KSR1: variants seen among roughly 807,000 people sequenced by gnomAD.
KSR1 encodes kinase suppressor of ras.
Under a neutral mutation model 92.9 loss-of-function variants are expected in KSR1, and 35 were observed. That is an observed-to-expected ratio of 0.38 (90% confidence interval 0.29 to 0.50). KSR1 has a LOEUF of 0.50. KSR1 is among the 20% of genes least tolerant of loss of function. KSR1 has a pLI of 0.94. For missense variants in KSR1, 972 were observed against 1,158.5 expected (o/e 0.84, Z 2.34); for synonymous variants, 467 against 472.6 (o/e 0.99, Z 0.15).
chr17:27,558,149 C>T (rs889459335), intron 2 of KSR1: 4 of 152,570 alleles, frequency 2.6e-5, no homozygotes, highest in Admixed American at 6.5e-5. Flanking sequence ...AGCAAAGGCC[C>T]TCCTCTTCCA....
intron 1 of KSR1, among the ~76,000 whole-genome samples, chr17:27,506,369 G>A (rs138924831): frequency 9.6e-4 from 146 of 152,348 alleles, no homozygotes; most frequent in African/African-American, 3.3e-3. Context: ...ATTACAAGAG[G>A]TAGTTTAGGT....
At chr17:27,502,708 C>T (rs775301657) in intron 1 of KSR1, among the ~76,000 whole-genome samples, 19 of 152,236 alleles carry the variant, frequency 1.2e-4, no homozygotes, top group African/African-American at 2.7e-4. Context: ...CTACCTCAAC[C>T]GTAATCACGG....
intron 2 of KSR1, among the ~76,000 whole-genome samples, chr17:27,555,586 C>T (rs2071564327): frequency 6.6e-6 from 1 of 152,016 alleles, no homozygotes; most frequent in Admixed American, 6.6e-5. Context: ...CTACAGTATG[C>T]TTCAGCCCCC....
chr17:27,479,285 GC>G (rs1223182508), intron 1 of KSR1, among the ~76,000 whole-genome samples: 1 of 148,768 alleles, frequency 6.7e-6, no homozygotes, highest in Non-Finnish European at 1.5e-5. Context: ...TCTGTGCTCT[GC>G]CCCTCCTCCC....
intron 2 of KSR1, chr17:27,560,282 T>C (rs554152563): frequency 3.8e-5 from 15 of 396,772 alleles, no homozygotes; most frequent in African/African-American, 2.1e-4. Context: ...TTTTTTTTTC[T>C]TTAGCAATTT....
At chr17:27,457,969 G>A (rs952282268) in intron 1 of KSR1, among the ~76,000 whole-genome samples, 1 of 138,554 alleles carries the variant, frequency 7.2e-6, no homozygotes, top group African/African-American at 2.8e-5. Context: ...CTGTGATCGC[G>A]GTAATTATTA....
chr17:27,515,802 A>C (rs1030591089), intron 1 of KSR1, among the ~76,000 whole-genome samples: 10 of 151,648 alleles, frequency 6.6e-5, no homozygotes, highest in African/African-American at 2.2e-4. Context: ...TCTGGGGGAA[A>C]CCATAGACTC....
intron 1 of KSR1, among the ~76,000 whole-genome samples, chr17:27,509,002 A>C (rs2069498781): frequency 6.6e-6 from 1 of 151,998 alleles, no homozygotes; most frequent in Admixed American, 6.5e-5. Context: ...AAGTGCTGGG[A>C]TTACAGGCAT....
intron 1 of KSR1, among the ~76,000 whole-genome samples, chr17:27,490,162 C>G (rs1014095196): frequency 1.3e-5 from 2 of 152,132 alleles, no homozygotes; most frequent in Admixed American, 6.5e-5. Flanking sequence ...TCTAAGTCTC[C>G]GTTTCTGCAT....
At chr17:27,562,661 C>T (rs2071881478) in intron 2 of KSR1, among the ~76,000 whole-genome samples, 1 of 152,196 alleles carries the variant, frequency 6.6e-6, no homozygotes, top group South Asian at 2.1e-4. Context: ...TGACTATGGC[C>T]AGATATCATT....
At chr17:27,541,083 G>A (rs1486468372) in intron 1 of KSR1, among the ~76,000 whole-genome samples, 1 of 152,240 alleles carries the variant, frequency 6.6e-6, no homozygotes, top group Non-Finnish European at 1.5e-5. Flanking sequence ...CCAGGGCTTT[G>A]GTGGCATCCT....
chr17:27,490,787 T>C lies in KSR1; in HGVS notation c.231+33913T>C, dbSNP rs200369257. Reference sequence around the variant, plus strand: ...GTTCCTTAGGATTCAGCAATCTCACTTGTGGGACTCTGACACCTATAGAAA... The same window carrying C: ...GTTCCTTAGGATTCAGCAATCTCACCTGTGGGACTCTGACACCTATAGAAA... On this transcript the variant is annotated intron_variant, in intron 1 of 20. Transcript: ENST00000644974. 8.5e-5 allele frequency among the ~76,000 whole-genome samples: 13 copies of C among 152,198 alleles called. No individual in the cohort carries two copies. In the East Asian group the frequency reaches 9.6e-4, roughly 11 times the overall value.
chr17:27,593,590 T>A (rs1241468564), intron 9 of KSR1, among the ~76,000 whole-genome samples: 1 of 152,162 alleles, frequency 6.6e-6, no homozygotes, highest in Admixed American at 6.5e-5. Flanking sequence ...CAGGGCCACC[T>A]CTTACTGTCA....
intron 2 of KSR1, among the ~76,000 whole-genome samples, chr17:27,568,001 GC>G (rs1466002865): frequency 1.3e-5 from 2 of 152,332 alleles, no homozygotes; most frequent in South Asian, 2.1e-4. Context: ...GAGCCTGGTA[GC>G]TGTGGCATTG....
intron 1 of KSR1, among the ~76,000 whole-genome samples, chr17:27,530,394 G>A (rs1049784788): frequency 2.0e-5 from 3 of 151,878 alleles, no homozygotes; most frequent in East Asian, 1.9e-4. Flanking sequence ...ACACTGAGCC[G>A]TGATTACACC....
chr17:27,469,993 A>AGTGTGTGT (rs145390989), intron 1 of KSR1, among the ~76,000 whole-genome samples: 77 of 139,648 alleles, frequency 5.5e-4, no homozygotes, highest in African/African-American at 1.6e-3. Context: ...ATGGAGATGG[A>AGTGTGTGT]GTGTGTGTGT....
In KSR1 at chr17:27,509,740, T is replaced by A. The variant is rs373628767; in HGVS notation, c.232-40828T>A. Among the ~76,000 whole-genome samples the A allele has an allele frequency of 4.3e-4, 66 of 152,320 alleles. 1 individual carries two copies. In the South Asian group the frequency reaches 0.013, roughly 30 times the overall value. On this transcript the variant is annotated intron_variant, in intron 1 of 20. Transcript: ENST00000644974. ...TTATAGTCCCAGCTACTTAGGAGGCTGAGGTTGGAGGATTGCCTGAGCCCA... is the reference window on the plus strand; with the variant it reads ...TTATAGTCCCAGCTACTTAGGAGGCAGAGGTTGGAGGATTGCCTGAGCCCA...
chr17:27,501,284 C>CTT (rs2069171184), intron 1 of KSR1, among the ~76,000 whole-genome samples: 2 of 48,290 alleles, frequency 4.1e-5, no homozygotes, highest in South Asian at 6.1e-4. Flanking sequence ...TTTTTAATTT[C>CTT]TTTTCTTCTT....
rs1460960150 is a variant in KSR1 at position 27,623,156 on chromosome 17, T to C, written c.2709-158T>C. ...TGTAGCTGAGGCCTTGGACGCAGTA[T>C]GACCAGGGGCAGCTCTGCCAGGGCT... On this transcript the variant is annotated intron_variant, in intron 20 of 20. Transcript: ENST00000644974. 1.2e-5 allele frequency: 8 copies of C among 660,480 alleles called. No individual in the cohort carries two copies. In the East Asian group the frequency reaches 1.4e-4, roughly 11 times the overall value. The allele number at this position is 660,480 out of a possible 1,614,324, so 40.9% of individuals were successfully genotyped here.
Sources: gnomAD v4.1 joint callset for allele counts (sites outside exome capture counted in the v4.1 genomes callset) on GRCh38, gnomAD v4.1.1 for gene constraint, MANE v1.5 for transcripts, NCBI Gene and HGNC (gene_info 2026-07-23, HGNC 2026-07-21) for gene names.